The following ANKS4B variants were observed in gnomAD, a reference collection of about 807,000 sequenced individuals.
ANKS4B encodes ankyrin repeat and SAM domain-containing protein 4B.
In ANKS4B, 21 loss-of-function variants were observed where a neutral mutation model predicts 20.2. That is an observed-to-expected ratio of 1.04 (90% CI 0.74 to 1.50). ANKS4B has a LOEUF of 1.50. Among genes scored for constraint, ANKS4B ranks in the 40% most tolerant of loss-of-function variants. The pLI is 0.00. For synonymous variants in ANKS4B, 179 were observed against 194.5 expected, an observed-to-expected ratio of 0.92 and a Z score of 0.66; for missense variants, 473 against 494.6, an observed-to-expected ratio of 0.96 and a Z score of 0.41.
At position 21,250,946 on chromosome 16, in the gene ANKS4B, C is replaced by A; in HGVS notation, c.*126C>A. On this transcript the variant is annotated 3_prime_UTR_variant, in exon 2 of 2. Coordinates refer to ENST00000311620, the MANE Select transcript of ANKS4B (RefSeq NM_145865.3). ...ATTCTAGGGCATCGGAAATGCCTACCTGAGAGAGAGACCCAAACTTTACTC... is the reference window on the plus strand; with the variant it reads ...ATTCTAGGGCATCGGAAATGCCTACATGAGAGAGAGACCCAAACTTTACTC... 7.3e-7 allele frequency: 1 copy of A among 1,365,368 alleles called. No homozygotes were observed. Among genetic ancestry groups the A allele is most frequent in the Non-Finnish European group, 9.8e-7 (1 of 1,016,804 alleles). The allele number at this position is 1,365,368 out of a possible 1,614,324, so 84.6% of individuals were successfully genotyped here. A position where few individuals can be genotyped will look rare whatever the true frequency, so the allele number is the denominator to read the frequency against.
At chr16:21,247,135 G>A (rs1475932828) in intron 1 of ANKS4B, among the ~76,000 whole-genome samples, 1 of 149,702 alleles carries the variant, frequency 6.7e-6, no homozygotes, top group Admixed American at 6.7e-5. Flanking sequence ...GTGTGATCTC[G>A]GCTCACTGCA....
chr16:21,248,776 G>C, intron 1 of ANKS4B, among the ~76,000 whole-genome samples: 1 of 152,078 alleles, frequency 6.6e-6, no homozygotes, highest in East Asian at 1.9e-4. Context: ...ATATTAAAAA[G>C]ATAACACGAA....
intron 1 of ANKS4B, among the ~76,000 whole-genome samples, chr16:21,249,181 T>C (rs2093335715): frequency 6.6e-6 from 1 of 152,218 alleles, no homozygotes; most frequent in Non-Finnish European, 1.5e-5. Flanking sequence ...TAAGTTTTTC[T>C]CACTTCTAAA....
chr16:21,243,391 C>T (rs545405293), intron 1 of ANKS4B, among the ~76,000 whole-genome samples: 10 of 152,268 alleles, frequency 6.6e-5, no homozygotes, highest in Non-Finnish European at 1.2e-4. Context: ...GATTATCAAA[C>T]GACAGGACTA....
intron 1 of ANKS4B, 70 bp from the exon 2 acceptor site, chr16:21,249,661 T>C: frequency 6.7e-7 from 1 of 1,495,744 alleles, no homozygotes; most frequent in South Asian, 1.4e-5. Context: ...ATTTTTGTTT[T>C]GATTTTTTTG....
intron 1 of ANKS4B, among the ~76,000 whole-genome samples, chr16:21,248,897 G>GT (rs1297175243): frequency 6.6e-6 from 1 of 152,116 alleles, no homozygotes; most frequent in East Asian, 1.9e-4. Flanking sequence ...ACGCTACTGT[G>GT]TATCTCTTCC....
rs770069300 is a variant in ANKS4B, at chr16:21,250,771, G to A, written c.1205G>A (p.Arg402Lys). 3 of 1,603,314 alleles carry A rather than the reference G, an allele frequency of 1.9e-6. No individual in the cohort carries two copies. Among genetic ancestry groups the A allele is most frequent in the East Asian group, 2.2e-5 (1 of 44,546 alleles). ...RKKVLNAINR[R>K]KQVLQQPGQL... ...AAAGTTCTGAATGCTATCAACAGGAGGAAGCAGGTGCTTCAACAGCCTGGG... is the reference window on the plus strand; with the variant it reads ...AAAGTTCTGAATGCTATCAACAGGAAGAAGCAGGTGCTTCAACAGCCTGGG... Residue 402 changes from arginine to lysine, a missense_variant, in exon 2 of 2, where the codon AGG becomes AAG. Coordinates refer to ENST00000311620, the MANE Select transcript of ANKS4B (RefSeq NM_145865.3).
At chr16:21,242,575 C>G (rs1363220494) in intron 1 of ANKS4B, among the ~76,000 whole-genome samples, 1 of 152,154 alleles carries the variant, frequency 6.6e-6, no homozygotes, top group African/African-American at 2.4e-5. Flanking sequence ...ACATACTGTC[C>G]TCCAGGCTCA....
rs1022834986 is a variant in ANKS4B, at chr16:21,253,326, C to T, written c.*2506C>T. The T allele has an allele frequency of 6.6e-5, 10 of 152,156 alleles. No homozygotes were observed. The highest frequency in any genetic ancestry group is 1.9e-4 in the African/African-American group (8 of 41,432). The allele number at this position is 152,156 out of a possible 1,614,324, so 9.4% of individuals were successfully genotyped here. On this transcript the variant is annotated 3_prime_UTR_variant, in exon 2 of 2. Coordinates refer to ENST00000311620, the MANE Select transcript of ANKS4B (RefSeq NM_145865.3). Reference sequence around the variant, plus strand: ...CTGATGAACAATTGGCTTATTCTTCCTCAATGAATATATTCAGAAAGCTTG... The same window carrying T: ...CTGATGAACAATTGGCTTATTCTTCTTCAATGAATATATTCAGAAAGCTTG...
Position 21,251,172 on chromosome 16 carries a change from A to G in ANKS4B, c.*352A>G. 5.3e-6 allele frequency: 1 copy of G among 189,732 alleles called. No individual in the cohort carries two copies. The highest frequency in any genetic ancestry group is 1.1e-5 in the Non-Finnish European group (1 of 89,546). The allele number at this position is 189,732 out of a possible 1,614,324, so 11.8% of individuals were successfully genotyped here. ...GGCTAGGGTGCAGTGGTATGATCAT[A>G]GTTCACTGTATTCTCAACCTCCTGG... On this transcript the variant is annotated 3_prime_UTR_variant, in exon 2 of 2. Transcript: ENST00000311620.
chr16:21,240,257 A>T (rs1339684387), intron 1 of ANKS4B, among the ~76,000 whole-genome samples: 1 of 151,884 alleles, frequency 6.6e-6, no homozygotes, highest in Non-Finnish European at 1.5e-5. Flanking sequence ...TCTTGGTTTT[A>T]TTTTTTAAAA....
At position 21,251,781 on chromosome 16, in the gene ANKS4B, T is replaced by C. The variant is rs1426759365; in HGVS notation, c.*961T>C. 2.0e-5 allele frequency: 3 copies of C among 152,156 alleles called. No homozygotes were observed. Among genetic ancestry groups the C allele is most frequent in the African/African-American group, 7.2e-5 (3 of 41,436 alleles). The allele number at this position is 152,156 out of a possible 1,614,324, so 9.4% of individuals were successfully genotyped here. The stretch of plus-strand genomic sequence containing the variant: ...AGAGATAGAATACAGGTGGTACCTG[T>C]TGTGGACTGAATTGCGTCAAATTCA... On this transcript the variant is annotated 3_prime_UTR_variant, in exon 2 of 2. Transcript: ENST00000311620.
In ANKS4B at chr16:21,249,929, C is replaced by T. The variant is rs751193528; in HGVS notation, c.363C>T (p.Ala121=). ...NECVALLDKA[A]TAQNIMNPKK... ...GTGTTGCTCTCCTGGACAAGGCTGCCACTGCACAGAACATCATGAACCCCA... is the reference window on the plus strand; with the variant it reads ...GTGTTGCTCTCCTGGACAAGGCTGCTACTGCACAGAACATCATGAACCCCA... The change falls in exon 2 of 2, where the codon GCC becomes GCT. Residue 121 remains alanine (A), a synonymous_variant. Coordinates refer to ENST00000311620, the MANE Select transcript of ANKS4B (RefSeq NM_145865.3). 1.2e-6 allele frequency: 2 copies of T among 1,614,064 alleles called. No homozygotes were observed. The highest frequency in any genetic ancestry group is 4.5e-5 in the East Asian group (2 of 44,878).
Position 21,251,730 on chromosome 16 carries a change from A to C in ANKS4B, c.*910A>C, listed in dbSNP as rs560756039. 1 of 152,352 alleles carries C rather than the reference A, an allele frequency of 6.6e-6. No individual in the cohort carries two copies. The highest frequency in any genetic ancestry group is 2.1e-4 in the South Asian group (1 of 4,824). The allele number at this position is 152,352 out of a possible 1,614,324, so 9.4% of individuals were successfully genotyped here. ...AATACTCCTGCCTGAGAATAGAGAC[A>C]GAGTGGTGGTGGGGAGAGTGAAGAA... On this transcript the variant is annotated 3_prime_UTR_variant, in exon 2 of 2. Transcript: ENST00000311620.
At chr16:21,233,959 C>T in intron 1 of ANKS4B, 58 bp downstream of exon 1, 1 of 1,506,488 alleles carries the variant, frequency 6.6e-7, no homozygotes. Context: ...TTTTTGCAGA[C>T]AGCAGCAAGA....
At chr16:21,235,361 G>A (rs1186943908) in intron 1 of ANKS4B, among the ~76,000 whole-genome samples, 1 of 152,134 alleles carries the variant, frequency 6.6e-6, no homozygotes, top group Non-Finnish European at 1.5e-5. Flanking sequence ...GCTGGATGTG[G>A]TTCAAGTAGG....
At chr16:21,242,272 C>T (rs909251824) in intron 1 of ANKS4B, among the ~76,000 whole-genome samples, 11 of 152,100 alleles carry the variant, frequency 7.2e-5, no homozygotes, top group Non-Finnish European at 1.2e-4. Context: ...CTGCAACCTC[C>T]GCCTCCCGGA....
chr16:21,246,683 G>A (rs1219475716), intron 1 of ANKS4B, among the ~76,000 whole-genome samples: 1 of 152,152 alleles, frequency 6.6e-6, no homozygotes, highest in Non-Finnish European at 1.5e-5. Context: ...AGGATGTATT[G>A]TATTGGAGAT....
intron 1 of ANKS4B, among the ~76,000 whole-genome samples, chr16:21,241,090 C>T (rs551294257): frequency 5.9e-5 from 9 of 152,268 alleles, no homozygotes; most frequent in African/African-American, 9.6e-5. Flanking sequence ...CACTGCACCA[C>T]GCCAGTTTCA....
Sources: gnomAD v4.1 joint callset for allele counts (sites outside exome capture counted in the v4.1 genomes callset) on GRCh38, gnomAD v4.1.1 for gene constraint, MANE v1.5 for transcripts, NCBI Gene and HGNC (gene_info 2026-07-23, HGNC 2026-07-21) for gene names.